MATCAP2: variants seen among roughly 807,000 people sequenced by gnomAD.
MATCAP2 encodes the protein microtubule associated tyrosine carboxypeptidase 2, also known as putative tyrosine carboxypeptidase MATCAP2.
the MATCAP2 span, among the ~76,000 whole-genome samples, chr7:36,369,382 T>G: frequency 0.97 from 147,456 of 152,318 alleles, 71,562 homozygotes; most frequent in East Asian, 1. Flanking sequence ...GGCTCTAAAT[T>G]AACCATGCTG....
chr7:36,349,371 A>T, the MATCAP2 span, among the ~76,000 whole-genome samples: 2 of 152,238 alleles, frequency 1.3e-5, no homozygotes, highest in African/African-American at 2.4e-5. Flanking sequence ...TTGTAATAAA[A>T]AGAAACAAAC....
chr7:36,381,275 C>G, the MATCAP2 span, among the ~76,000 whole-genome samples: 47 of 152,102 alleles, frequency 3.1e-4, no homozygotes, highest in African/African-American at 1.0e-3. Context: ...TGGAGCATTT[C>G]CAAGTGTTGA....
chr7:36,366,731 GC>G, the MATCAP2 span: 3 of 1,535,328 alleles, frequency 2.0e-6, no homozygotes, highest in Non-Finnish European at 2.6e-6. Flanking sequence ...AGGATAAGGG[GC>G]CGATTTCTCT....
chr7:36,337,098 C>CAAAAA, the MATCAP2 span, among the ~76,000 whole-genome samples: 11 of 18,526 alleles, frequency 5.9e-4, 2 homozygotes, highest in African/African-American at 1.9e-3. Flanking sequence ...AACTCCATCT[C>CAAAAA]AAAAAAAAAA....
chr7:36,324,387 C>T, the MATCAP2 span: 3 of 152,158 alleles, frequency 2.0e-5, no homozygotes, highest in African/African-American at 7.2e-5. Context: ...TGAATACTGT[C>T]TGGTGTTAAA....
At chr7:36,330,373 G>A in the MATCAP2 span, among the ~76,000 whole-genome samples, 1 of 152,088 alleles carries the variant, frequency 6.6e-6, no homozygotes, top group Non-Finnish European at 1.5e-5. Flanking sequence ...TGTTGGGTTT[G>A]CGGGCGTGAG....
chr7:36,338,621 TA>T, the MATCAP2 span, among the ~76,000 whole-genome samples: 14 of 149,148 alleles, frequency 9.4e-5, no homozygotes, highest in African/African-American at 2.0e-4. Context: ...TATTTTTAAT[TA>T]AAAAAAAAAT....
the MATCAP2 span, among the ~76,000 whole-genome samples, chr7:36,335,877 C>G: frequency 2.0e-5 from 3 of 152,168 alleles, no homozygotes; most frequent in Non-Finnish European, 4.4e-5. Context: ...TCGAGACCAG[C>G]CTGGCCAACA....
the MATCAP2 span, among the ~76,000 whole-genome samples, chr7:36,332,564 T>C: frequency 6.6e-6 from 1 of 152,212 alleles, no homozygotes; most frequent in African/African-American, 2.4e-5. Flanking sequence ...AATGTTAATG[T>C]GGGCTGTGCT....
At chr7:36,362,919 A>G in the MATCAP2 span, among the ~76,000 whole-genome samples, 1 of 152,184 alleles carries the variant, frequency 6.6e-6, no homozygotes. Flanking sequence ...TTGCAGGTTT[A>G]TATTTGTTGT....
At chr7:36,341,929 TTG>T in the MATCAP2 span, among the ~76,000 whole-genome samples, 1 of 152,208 alleles carries the variant, frequency 6.6e-6, no homozygotes, top group Non-Finnish European at 1.5e-5. Context: ...TTATGGTATT[TTG>T]TTATAGCAGG....
chr7:36,383,166 A>G, the MATCAP2 span, among the ~76,000 whole-genome samples: 1 of 152,236 alleles, frequency 6.6e-6, no homozygotes, highest in Admixed American at 6.5e-5. Context: ...GATTAATACC[A>G]TTAATCATTA....
At chr7:36,326,367 TTGGAGTC>T in the MATCAP2 span, 1 of 154,520 alleles carries the variant, frequency 6.5e-6, no homozygotes, top group South Asian at 2.1e-4. Context: ...AAATATAACT[TTGGAGTC>T]TGAACAGCAA....
chr7:36,331,199 ATTTATT>A, the MATCAP2 span: 11 of 575,004 alleles, frequency 1.9e-5, no homozygotes, highest in Admixed American at 2.9e-5. Flanking sequence ...GTTTGCCAAC[ATTTATT>A]TTTATTTTTA....
the MATCAP2 span, among the ~76,000 whole-genome samples, chr7:36,354,414 C>T: frequency 6.6e-6 from 1 of 152,238 alleles, no homozygotes; most frequent in Non-Finnish European, 1.5e-5. Flanking sequence ...GGACCACAAT[C>T]ATCCTCCAAA....
chr7:36,340,495 G>A, the MATCAP2 span, among the ~76,000 whole-genome samples: 5 of 152,086 alleles, frequency 3.3e-5, no homozygotes, highest in East Asian at 1.9e-4. Context: ...CCACCATAGC[G>A]TCAACACTTA....
chr7:36,333,376 G>GA, the MATCAP2 span, among the ~76,000 whole-genome samples: 49 of 152,262 alleles, frequency 3.2e-4, no homozygotes, highest in African/African-American at 1.1e-3. Flanking sequence ...AGGAAATGGG[G>GA]AATGAATGCT....
At chr7:36,328,278 C>T in the MATCAP2 span, among the ~76,000 whole-genome samples, 66 of 142,658 alleles carry the variant, frequency 4.6e-4, no homozygotes, top group African/African-American at 1.7e-3. Flanking sequence ...AGGCTGGTCT[C>T]GAACTCCTAG....
chr7:36,358,014 T>C, the MATCAP2 span, among the ~76,000 whole-genome samples: 1 of 152,012 alleles, frequency 6.6e-6, no homozygotes, highest in South Asian at 2.1e-4. Context: ...CTGGCCAACA[T>C]GGTGAAACCC....
Sources: gnomAD v4.1 joint callset for allele counts (sites outside exome capture counted in the v4.1 genomes callset) on GRCh38, gnomAD v4.1.1 for gene constraint, MANE v1.5 for transcripts, NCBI Gene and HGNC (gene_info 2026-07-23, HGNC 2026-07-21) for gene names.